Variants in MAD1L1 observed in about 807,000 individuals in gnomAD.
MAD1L1 encodes mitotic arrest deficient 1 like 1, also known as mitotic spindle assembly checkpoint protein MAD1.
A neutral mutation model predicts 96.9 loss-of-function variants in MAD1L1; 95 were observed. The ratio of observed to expected loss-of-function variants is 0.98; its 90% CI spans 0.83 to 1.16. The LOEUF is 1.16. Among genes scored for constraint, MAD1L1 ranks in the 50% most tolerant of loss-of-function variants. The pLI, the probability that MAD1L1 is intolerant of heterozygous loss-of-function variation, is 0.00. For synonymous variants in MAD1L1, 473 were observed against 396.6 expected (o/e 1.19, Z -2.29); for missense variants, 1,007 against 954.4 (o/e 1.06, Z -0.73).
At chr7:1,850,956 G>A (rs1486303328) in intron 18 of MAD1L1, among the ~76,000 whole-genome samples, 1 of 152,328 alleles carries the variant, frequency 6.6e-6, no homozygotes, top group South Asian at 2.1e-4. Flanking sequence ...AGAGACACGA[G>A]AAGGGCCTGG....
chr7:2,156,126 G>A (rs879364338), intron 10 of MAD1L1, among the ~76,000 whole-genome samples: 3 of 151,958 alleles, frequency 2.0e-5, no homozygotes, highest in African/African-American at 4.8e-5. Context: ...CGAGGGCAGC[G>A]GGCGCACGGT....
At chr7:1,886,495 G>A (rs1190090854) in intron 18 of MAD1L1, among the ~76,000 whole-genome samples, 1 of 152,228 alleles carries the variant, frequency 6.6e-6, no homozygotes, top group African/African-American at 2.4e-5. Context: ...CCTCTGCATG[G>A]GCTCGGTGAC....
At chr7:1,944,606 C>T (rs939573969) in intron 16 of MAD1L1, among the ~76,000 whole-genome samples, 1 of 152,202 alleles carries the variant, frequency 6.6e-6, no homozygotes, top group Non-Finnish European at 1.5e-5. Flanking sequence ...AATGTCCTTA[C>T]TTGTATCCTG....
chr7:1,872,036 C>T (rs1054358128), intron 18 of MAD1L1, among the ~76,000 whole-genome samples: 4 of 152,202 alleles, frequency 2.6e-5, no homozygotes, highest in East Asian at 1.9e-4. Flanking sequence ...GACTCCCAGG[C>T]GGCAGCTCCT....
At chr7:2,069,425 C>G in intron 11 of MAD1L1, 87 bp from the exon 12 acceptor site, 5 of 1,328,644 alleles carry the variant, frequency 3.8e-6, no homozygotes, top group Non-Finnish European at 5.0e-6. Flanking sequence ...ACGAGCCCAC[C>G]AGGACATCCT....
chr7:1,893,271 T>C (rs375914827), intron 18 of MAD1L1, among the ~76,000 whole-genome samples: 1 of 67,492 alleles, frequency 1.5e-5, no homozygotes, highest in East Asian at 3.0e-4. Flanking sequence ...TGGGAAGTCC[T>C]GGCTGGGATG....
At chr7:1,912,719 C>A (rs1269123695) in intron 17 of MAD1L1, among the ~76,000 whole-genome samples, 2 of 152,230 alleles carry the variant, frequency 1.3e-5, no homozygotes, top group Non-Finnish European at 2.9e-5. Context: ...CGCGCACGCA[C>A]CTCCCAGAGC....
chr7:1,894,599 G>C (rs1786750502), intron 18 of MAD1L1, among the ~76,000 whole-genome samples: 1 of 152,166 alleles, frequency 6.6e-6, no homozygotes, highest in African/African-American at 2.4e-5. Context: ...TGCATGCCCA[G>C]TGTCAGCCCT....
intron 17 of MAD1L1, among the ~76,000 whole-genome samples, chr7:1,900,125 G>A (rs975784171): frequency 3.9e-5 from 6 of 152,178 alleles, no homozygotes; most frequent in Non-Finnish European, 5.9e-5. Flanking sequence ...CGAGCAGCCC[G>A]TTCCGAGTGC....
chr7:2,101,537 C>T (rs1457908760), intron 11 of MAD1L1, among the ~76,000 whole-genome samples: 1 of 150,440 alleles, frequency 6.6e-6, no homozygotes, highest in Non-Finnish European at 1.5e-5. Context: ...CCTAAAGGGT[C>T]TCCATCCAGG....
At chr7:1,825,623 C>T (rs960587703) in intron 18 of MAD1L1, among the ~76,000 whole-genome samples, 12 of 152,354 alleles carry the variant, frequency 7.9e-5, no homozygotes, top group Non-Finnish European at 1.3e-4. Context: ...CGGGTCTTTG[C>T]GGTGCCCGTC....
intron 10 of MAD1L1, among the ~76,000 whole-genome samples, chr7:2,158,996 C>T (rs546012472): frequency 6.6e-6 from 1 of 151,942 alleles, no homozygotes; most frequent in South Asian, 2.1e-4. Context: ...GAGCCTGGGC[C>T]GCTCCGTGAC....
chr7:2,216,098 C>G (rs1319140964), intron 8 of MAD1L1, 59 bp downstream of exon 8: 30 of 1,607,944 alleles, frequency 1.9e-5, no homozygotes, highest in Non-Finnish European at 2.5e-5. Context: ...ACAGTGGGCT[C>G]CATGTGCACA....
At chr7:1,846,701 C>A (rs576537406) in intron 18 of MAD1L1, 2 of 160,074 alleles carry the variant, frequency 1.2e-5, no homozygotes, top group Middle Eastern at 3.0e-3. Flanking sequence ...GTTCCCAGAG[C>A]GAGGGGATGA....
rs116847012 is a variant in MAD1L1 at position 2,126,376 on chromosome 7, G to A, written c.1073+22776C>T. Among the ~76,000 whole-genome samples, 433 of 152,304 alleles carry A rather than the reference G, an allele frequency of 2.8e-3. 3 individuals are homozygous for A. The highest frequency in any genetic ancestry group is 0.022 in the South Asian group (106 of 4,826). ...ACACACAGGCACTCGGGCATGCACA[G>A]AAAGGGCAGAACCCCAGGGCAGCAG... is the stretch of plus-strand genomic sequence containing the variant. On this transcript the variant is annotated intron_variant, in intron 11 of 18. Transcript: ENST00000265854.
chr7:1,835,928 T>C (rs532208501), intron 18 of MAD1L1, among the ~76,000 whole-genome samples: 1 of 152,360 alleles, frequency 6.6e-6, no homozygotes, highest in East Asian at 1.9e-4. Context: ...GCCATGGCAT[T>C]TGTAAGCTGT....
chr7:1,887,816 T>TGC (rs1786192270), intron 18 of MAD1L1, among the ~76,000 whole-genome samples: 1 of 64,262 alleles, frequency 1.6e-5, no homozygotes, highest in African/African-American at 6.9e-5. Flanking sequence ...CCTGTGTGTG[T>TGC]GTGCATGTGT....
intron 12 of MAD1L1, among the ~76,000 whole-genome samples, chr7:2,026,626 A>T (rs1668543576): frequency 6.6e-6 from 1 of 152,184 alleles, no homozygotes; most frequent in Non-Finnish European, 1.5e-5. Flanking sequence ...TAATGCTAGA[A>T]ATCAATAAGA....
intron 11 of MAD1L1, among the ~76,000 whole-genome samples, chr7:2,106,401 G>A (rs1787102442): frequency 6.6e-6 from 1 of 150,832 alleles, no homozygotes; most frequent in Non-Finnish European, 1.5e-5. Context: ...GACGGCCATG[G>A]TCACTCACTC....
Sources: gnomAD v4.1 joint callset for allele counts (sites outside exome capture counted in the v4.1 genomes callset) on GRCh38, gnomAD v4.1.1 for gene constraint, MANE v1.5 for transcripts, NCBI Gene and HGNC (gene_info 2026-07-23, HGNC 2026-07-21) for gene names.